MTA3: variants seen among roughly 807,000 people sequenced by gnomAD.
MTA3 encodes the protein metastasis-associated protein MTA3.
MTA3 carries 34 observed loss-of-function variants against 83.5 expected under a neutral mutation model. The observed-to-expected ratio is 0.41, with a 90% CI of 0.31 to 0.54. The LOEUF (loss-of-function observed/expected upper bound fraction) is 0.54. Ranked by LOEUF, MTA3 falls within the 20% of genes least tolerant of loss-of-function variation. The probability of loss-of-function intolerance (pLI) is 0.33; values close to 1 mark genes in which losing one functional copy is unlikely to be tolerated. For missense variants in MTA3, 761 were observed against 726.4 expected (o/e 1.05, Z -0.55); for synonymous variants, 303 against 252.7 (o/e 1.20, Z -1.89).
intron 2 of MTA3, among the ~76,000 whole-genome samples, chr2:42,525,128 TTGA>T (rs1675627435): frequency 7.1e-6 from 1 of 141,608 alleles, no homozygotes; most frequent in African/African-American, 2.5e-5. Context: ...TGTGGGTCTC[TTGA>T]GAGTTGAGAT....
chr2:42,695,688 C>CTTTCTATAG (rs1693329992), intron 9 of MTA3, 77 bp from the exon 10 acceptor site: 1 of 365,404 alleles, frequency 2.7e-6, no homozygotes, highest in Non-Finnish European at 4.7e-6. Context: ...AAGGAAAGTA[C>CTTTCTATAG]TTTCTATAGT....
intron 2 of MTA3, among the ~76,000 whole-genome samples, chr2:42,513,292 T>C (rs1358828600): frequency 6.6e-6 from 1 of 152,238 alleles, no homozygotes; most frequent in Non-Finnish European, 1.5e-5. Context: ...TGAGCATTAC[T>C]TGGGATACTG....
Position 42,726,441 on chromosome 2 carries a change from G to T in MTA3, c.1759+3406G>T, listed in dbSNP as rs149802564. On this transcript the variant is annotated intron_variant, in intron 16 of 16. Transcript: ENST00000405094. ...ACATATGTATACATGTGCCATGCTG[G>T]TGTGCTGCACCCATTAACTCGTCAT... Among the ~76,000 whole-genome samples the T allele has an allele frequency of 1.8e-3, 269 of 151,842 alleles. 1 individual carries two copies. The highest frequency in any genetic ancestry group is 6.8e-3 in the Middle Eastern group (2 of 294).
chr2:42,655,712 C>T (rs1034748247), intron 6 of MTA3, among the ~76,000 whole-genome samples: 9 of 152,314 alleles, frequency 5.9e-5, no homozygotes, highest in East Asian at 1.9e-4. Flanking sequence ...AAGCGATTCT[C>T]GTGCCTCAAC....
At chr2:42,499,165 G>T (rs1572882301) in intron 2 of MTA3, among the ~76,000 whole-genome samples, 1 of 151,860 alleles carries the variant, frequency 6.6e-6, no homozygotes, top group Non-Finnish European at 1.5e-5. Context: ...TGCTAAGAGG[G>T]TAGATCTTTT....
At chr2:42,533,827 G>A (rs1400844766) in intron 2 of MTA3, among the ~76,000 whole-genome samples, 14 of 71,896 alleles carry the variant, frequency 1.9e-4, no homozygotes, top group African/African-American at 6.4e-4. Context: ...GCGAGACTCC[G>A]TCTCAAAAAA....
At chr2:42,522,759 A>C (rs1258280741) in intron 2 of MTA3, among the ~76,000 whole-genome samples, 1 of 151,272 alleles carries the variant, frequency 6.6e-6, no homozygotes, top group Non-Finnish European at 1.5e-5. Context: ...GAAAAAAAGG[A>C]AGGAAGGAAG....
intron 9 of MTA3, among the ~76,000 whole-genome samples, chr2:42,689,171 C>T (rs1005181837): frequency 6.6e-6 from 1 of 152,172 alleles, no homozygotes; most frequent in Non-Finnish European, 1.5e-5. Flanking sequence ...ACCAGTGTAC[C>T]TGGCTATCAA....
chr2:42,680,652 T>G (rs1691803869), intron 8 of MTA3, among the ~76,000 whole-genome samples: 1 of 152,222 alleles, frequency 6.6e-6, no homozygotes, highest in South Asian at 2.1e-4. Context: ...CTGTTACACA[T>G]ACACATGTAT....
chr2:42,689,808 C>T (rs1245816928), intron 9 of MTA3, among the ~76,000 whole-genome samples: 4 of 128,972 alleles, frequency 3.1e-5, no homozygotes, highest in South Asian at 2.6e-4. Flanking sequence ...ATCAGTCTGG[C>T]TAGGAGTTTA....
rs1372295523 is a variant in MTA3 at position 42,705,569 on chromosome 2, G to A, written c.1150+1251G>A. Among the ~76,000 whole-genome samples, 3 of 152,258 alleles carry A rather than the reference G, an allele frequency of 2.0e-5. No individual in the cohort carries two copies. In the East Asian group the frequency reaches 5.8e-4, roughly 29 times the overall value. On this transcript the variant is annotated intron_variant, in intron 12 of 16. Transcript: ENST00000405094. The stretch of plus-strand genomic sequence containing the variant: ...AAAATACCAAAAATTAGCCAGGCAT[G>A]GTGGCATGCACCTGTAATCCCAGCT...
rs983063579 is a variant in MTA3 at position 42,755,580 on chromosome 2, C to T, written c.*2181C>T. On this transcript the variant is annotated 3_prime_UTR_variant, in exon 17 of 17. Transcript: ENST00000405094. ...GAGGGTGATGTTGACTGAGACTTCA[C>T]GCTCTCCCTTTGTCTCTGGAAACTG... 30 of 985,420 alleles carry T rather than the reference C, an allele frequency of 3.0e-5. No individual in the cohort carries two copies. Among genetic ancestry groups the T allele is most frequent in the South Asian group, 4.7e-5 (1 of 21,302 alleles). 61.0% of individuals were successfully genotyped at this position (985,420 alleles called of 1,614,324 possible).
chr2:42,601,203 C>T (rs761732959), intron 3 of MTA3, among the ~76,000 whole-genome samples: 2 of 152,100 alleles, frequency 1.3e-5, no homozygotes, highest in Non-Finnish European at 2.9e-5. Context: ...CATCCCTGAC[C>T]CATTTTTTAT....
chr2:42,710,673 C>T (rs1373785882), intron 14 of MTA3, among the ~76,000 whole-genome samples: 9 of 151,878 alleles, frequency 5.9e-5, no homozygotes, highest in Non-Finnish European at 2.9e-5. Context: ...TTTGTGCTAG[C>T]ATTTGAGACC....
intron 2 of MTA3, among the ~76,000 whole-genome samples, chr2:42,503,608 G>T (rs1347954500): frequency 6.6e-6 from 1 of 152,182 alleles, no homozygotes; most frequent in Non-Finnish European, 1.5e-5. Flanking sequence ...CTCAGGACTA[G>T]CTAGGTGCCT....
At chr2:42,594,728 A>ATATATATATATATTTTTTTTT in intron 3 of MTA3, among the ~76,000 whole-genome samples, 51 of 24,032 alleles carry the variant, frequency 2.1e-3, no homozygotes, top group Admixed American at 2.6e-3. Flanking sequence ...ATATATATAT[A>ATATATATATATATTTTTTTTT]TTTTTTTTTT....
intron 2 of MTA3, among the ~76,000 whole-genome samples, chr2:42,571,999 T>C (rs1678539316): frequency 6.7e-6 from 1 of 148,206 alleles, no homozygotes; most frequent in South Asian, 2.1e-4. Context: ...CTAGGCTGGC[T>C]GGGCACGGTG....
rs1670154536 is a variant in MTA3, at chr2:42,755,120, C to T, written c.*1721C>T. 2.0e-6 allele frequency: 2 copies of T among 985,356 alleles called. No homozygotes were observed. Among genetic ancestry groups the T allele is most frequent in the Non-Finnish European group, 1.2e-6 (1 of 830,032 alleles). 61.0% of individuals were successfully genotyped at this position (985,356 alleles called of 1,614,324 possible). A position where few individuals can be genotyped will look rare whatever the true frequency, so the allele number is the denominator to read the frequency against. Reference sequence around the variant, plus strand: ...ACTGAGGGGTCCCTTCAGCAAAGACCTGGGAGGAGGTGCCGCATCACGTGG... The same window carrying T: ...ACTGAGGGGTCCCTTCAGCAAAGACTTGGGAGGAGGTGCCGCATCACGTGG... On this transcript the variant is annotated 3_prime_UTR_variant, in exon 17 of 17. Transcript: ENST00000405094.
rs188167910 is a variant in MTA3, at chr2:42,632,336, C to T, written c.318-7837C>T. On this transcript the variant is annotated intron_variant, in intron 4 of 16. Coordinates refer to ENST00000405094, the MANE Select transcript of MTA3 (RefSeq NM_001330442.2). Reference sequence around the variant, plus strand: ...TGATCTCCTGACCTCATGATCCGCCCACCTCGGCCTCCCAAAGTGCTGGGA... The same window carrying T: ...TGATCTCCTGACCTCATGATCCGCCTACCTCGGCCTCCCAAAGTGCTGGGA... Among the ~76,000 whole-genome samples the T allele has an allele frequency of 3.7e-3, 561 of 152,152 alleles. 17 individuals are homozygous for T. Among genetic ancestry groups the T allele is most frequent in the East Asian group, 9.7e-4 (5 of 5,166 alleles).
Sources: allele counts gnomAD v4.1 joint callset (sites outside exome capture counted in the v4.1 genomes callset), GRCh38; gene constraint gnomAD v4.1.1; transcripts MANE v1.5; gene names NCBI Gene and HGNC (gene_info 2026-07-23, HGNC 2026-07-21).